The following MAD1L1 variants were observed in gnomAD, a reference collection of about 807,000 sequenced individuals.
MAD1L1 encodes mitotic arrest deficient 1 like 1.
Under a neutral mutation model 96.9 loss-of-function variants are expected in MAD1L1, and 95 were observed. The observed-to-expected ratio is 0.98, with a 90% CI of 0.83 to 1.16. The LOEUF (loss-of-function observed/expected upper bound fraction) is 1.16. Among genes scored for constraint, MAD1L1 ranks in the 50% most tolerant of loss-of-function variants. The probability of loss-of-function intolerance (pLI) is 0.00; values close to 1 mark genes in which losing one functional copy is unlikely to be tolerated. For missense variants in MAD1L1, 1,007 were observed against 954.4 expected, an observed-to-expected ratio of 1.06 and a Z score of -0.73; for synonymous variants, 473 against 396.6, an observed-to-expected ratio of 1.19 and a Z score of -2.29.
chr7:1,936,000 G>C (rs1451276864), intron 17 of MAD1L1, among the ~76,000 whole-genome samples: 1 of 152,228 alleles, frequency 6.6e-6, no homozygotes, highest in Non-Finnish European at 1.5e-5. Context: ...ACAGCAGAGA[G>C]CAACACAGGG....
chr7:1,983,132 ACGCGCGCGCGCG>A (rs141111007), intron 14 of MAD1L1, among the ~76,000 whole-genome samples: 7 of 144,878 alleles, frequency 4.8e-5, no homozygotes, highest in African/African-American at 7.7e-5. Flanking sequence ...ACACCCACAG[ACGCGCGCGCGCG>A]CGCGCGCGCG....
Position 2,209,567 on chromosome 7 carries a change from C to T in MAD1L1, c.986+3645G>A, listed in dbSNP as rs1032641048. On this transcript the variant is annotated intron_variant, in intron 10 of 18. Coordinates refer to ENST00000265854, the MANE Select transcript of MAD1L1 (RefSeq NM_001013836.2). ...CGACCAAAACCCCAGTGTCAGCAAGCAAGTCCCATGGTGGGAGAGCAGCGG... is the reference window on the plus strand; with the variant it reads ...CGACCAAAACCCCAGTGTCAGCAAGTAAGTCCCATGGTGGGAGAGCAGCGG... Among the ~76,000 whole-genome samples the T allele has an allele frequency of 3.9e-5, 6 of 152,230 alleles. No individual in the cohort carries two copies. The East Asian group carries it at 9.6e-4, about 24-fold the overall frequency.
intron 10 of MAD1L1, among the ~76,000 whole-genome samples, chr7:2,185,618 G>T (rs1172635528): frequency 6.6e-6 from 1 of 152,014 alleles, no homozygotes; most frequent in African/African-American, 2.4e-5. Context: ...TAAGCCACGT[G>T]CATGCTTCTA....
chr7:2,221,818 G>A (rs982236282), intron 5 of MAD1L1, among the ~76,000 whole-genome samples: 3 of 152,096 alleles, frequency 2.0e-5, no homozygotes, highest in South Asian at 2.1e-4. Flanking sequence ...CACCATCCAC[G>A]ACAGGGAAGG....
Position 2,120,904 on chromosome 7 carries a change from G to A in MAD1L1, c.1073+28248C>T, listed in dbSNP as rs75870429. On this transcript the variant is annotated intron_variant, in intron 11 of 18. Coordinates refer to ENST00000265854, the MANE Select transcript of MAD1L1 (RefSeq NM_001013836.2). ...GCTGGTGTGGCCTCCAGGGCGGGGC[G>A]AGGAAGGTCTTCACCCCTGCACCTG... is the stretch of plus-strand genomic sequence containing the variant. 8.2e-3 allele frequency among the ~76,000 whole-genome samples: 1,253 copies of A among 152,304 alleles called. 12 individuals are homozygous for A. Among genetic ancestry groups the A allele is most frequent in the Non-Finnish European group, 0.014 (923 of 68,016 alleles).
chr7:1,924,018 A>G (rs1261568951), intron 17 of MAD1L1, among the ~76,000 whole-genome samples: 2 of 152,266 alleles, frequency 1.3e-5, no homozygotes, highest in Non-Finnish European at 2.9e-5. Context: ...CGGGATATTC[A>G]AAACATCCAG....
At chr7:1,881,554 A>G (rs182782285) in intron 18 of MAD1L1, among the ~76,000 whole-genome samples, 137 of 152,360 alleles carry the variant, frequency 9.0e-4, no homozygotes, top group Admixed American at 3.9e-3. Flanking sequence ...GAGCTGGCTA[A>G]ATGTCCTACA....
intron 10 of MAD1L1, among the ~76,000 whole-genome samples, chr7:2,168,306 G>C (rs1446132919): frequency 6.6e-6 from 1 of 152,052 alleles, no homozygotes. Context: ...AAAGAACAGT[G>C]AATTGAAAAT....
intron 18 of MAD1L1, among the ~76,000 whole-genome samples, chr7:1,857,952 G>A (rs995551937): frequency 3.3e-5 from 5 of 152,194 alleles, no homozygotes; most frequent in Non-Finnish European, 5.9e-5. Context: ...CCGTCCCCAG[G>A]GCCGAGTCCC....
At chr7:2,055,852 G>A (rs886823337) in intron 12 of MAD1L1, among the ~76,000 whole-genome samples, 10 of 149,236 alleles carry the variant, frequency 6.7e-5, no homozygotes, top group African/African-American at 7.5e-5. Flanking sequence ...GGTGGCAGGC[G>A]CCTGTAATCC....
chr7:1,853,270 G>A (rs1464710389), intron 18 of MAD1L1, among the ~76,000 whole-genome samples: 6 of 152,326 alleles, frequency 3.9e-5, no homozygotes, highest in East Asian at 1.9e-4. Context: ...CCTCTGTGTC[G>A]GGACAGGCCT....
intron 14 of MAD1L1, among the ~76,000 whole-genome samples, chr7:1,981,983 G>A (rs937678197): frequency 1.3e-5 from 2 of 152,020 alleles, no homozygotes; most frequent in African/African-American, 4.8e-5. Flanking sequence ...TGAGCAGCCT[G>A]TCCCCAACTT....
chr7:1,908,460 T>G (rs10280993), intron 17 of MAD1L1, among the ~76,000 whole-genome samples: 1 of 151,650 alleles, frequency 6.6e-6, no homozygotes, highest in East Asian at 1.9e-4. Flanking sequence ...TGGCTCACTG[T>G]AGCCTCGAAC....
intron 14 of MAD1L1, chr7:1,980,863 T>A (rs887822333): frequency 2.3e-6 from 1 of 443,060 alleles, no homozygotes; most frequent in East Asian, 5.5e-5. Context: ...GCTCCAACGC[T>A]GCCGTCGGTT....
intron 10 of MAD1L1, among the ~76,000 whole-genome samples, chr7:2,157,282 C>T (rs1297207069): frequency 4.6e-5 from 7 of 152,308 alleles, no homozygotes; most frequent in Non-Finnish European, 8.8e-5. Context: ...ACCACTCCAG[C>T]AGTGCAGGTC....
In MAD1L1 at chr7:2,088,817, TC is replaced by T. The variant is rs1470382766; in HGVS notation, c.1074-19480del. The T allele has an allele frequency of 6.6e-6, 1 of 152,276 alleles. No homozygotes were observed. The highest frequency in any genetic ancestry group is 1.5e-5 in the Non-Finnish European group (1 of 68,150). 9.4% of individuals were successfully genotyped at this position (152,276 alleles called of 1,614,324 possible). A position where few individuals can be genotyped will look rare whatever the true frequency, so the allele number is the denominator to read the frequency against. On this transcript the variant is annotated intron_variant, in intron 11 of 18. Coordinates refer to ENST00000265854, the MANE Select transcript of MAD1L1 (RefSeq NM_001013836.2). This position sits in a 1 kb window ranked among gnomAD's most constrained non-coding sequence, Gnocchi z 4.4. ...ACCAGCAGTGAAGCCAAGTCCAGGG[TC>T]CACAGAGGAGTTGTGAAGGTTCACA...
At chr7:2,219,011 G>T (rs1793442861) in intron 6 of MAD1L1, among the ~76,000 whole-genome samples, 1 of 152,178 alleles carries the variant, frequency 6.6e-6, no homozygotes, top group South Asian at 2.1e-4. Flanking sequence ...AGTGAGCCAT[G>T]ATTACACCAT....
At chr7:2,225,584 C>G (rs1304336436) in intron 3 of MAD1L1, 34 bp from the exon 4 acceptor site, 1 of 1,607,062 alleles carries the variant, frequency 6.2e-7, no homozygotes, top group Admixed American at 1.7e-5. Flanking sequence ...AAACAGAATC[C>G]TCAGTGACGG....
chr7:2,052,929 G>A (rs1193569923), intron 12 of MAD1L1, among the ~76,000 whole-genome samples: 2 of 152,154 alleles, frequency 1.3e-5, no homozygotes, highest in South Asian at 2.1e-4. Context: ...TGTGGGAGGA[G>A]GAAATCCAGA....
Sources: gnomAD v4.1 joint callset for allele counts (sites outside exome capture counted in the v4.1 genomes callset) on GRCh38, gnomAD v4.1.1 for gene constraint, Gnocchi (gnomAD v3.1) non-coding constraint, MANE v1.5 for transcripts, NCBI Gene and HGNC (gene_info 2026-07-23, HGNC 2026-07-21) for gene names.